AKAP13: variants seen among roughly 807,000 people sequenced by gnomAD.
AKAP13 encodes A-kinase anchoring protein 13.
AKAP13 carries 80 observed loss-of-function variants against 264.5 expected under a neutral mutation model. That is an observed-to-expected ratio of 0.30 (90% CI 0.25 to 0.36). The LOEUF is 0.36. Among genes scored for constraint, AKAP13 ranks in the 10% least tolerant of loss-of-function variants. AKAP13 has a pLI of 1.00. For missense variants in AKAP13, 3,712 were observed against 3,435.2 expected (o/e 1.08, Z -2.01); for synonymous variants, 1,380 against 1,250.2 (o/e 1.10, Z -2.19).
intron 1 of AKAP13, among the ~76,000 whole-genome samples, chr15:85,397,639 T>C (rs1312085587): frequency 2.6e-5 from 4 of 152,194 alleles, no homozygotes; most frequent in African/African-American, 2.4e-5. Flanking sequence ...TCAGGTCTTA[T>C]CTCTGCAAGG....
intron 8 of AKAP13, among the ~76,000 whole-genome samples, chr15:85,611,788 T>C (rs1432672532): frequency 6.6e-6 from 1 of 152,208 alleles, no homozygotes; most frequent in Admixed American, 6.5e-5. Flanking sequence ...GTCTCTGTGC[T>C]CTTTCTTCCC....
intron 31 of AKAP13, among the ~76,000 whole-genome samples, 157 bp from the exon 32 acceptor site, chr15:85,735,403 T>C (rs2088380597): frequency 6.6e-6 from 1 of 152,336 alleles, no homozygotes; most frequent in East Asian, 1.9e-4. Flanking sequence ...CGTAAAATTA[T>C]TAATAATCAC....
At chr15:85,710,358 GA>G (rs951165955) in intron 18 of AKAP13, 4 of 432,562 alleles carry the variant, frequency 9.2e-6, no homozygotes, top group Non-Finnish European at 1.7e-5. Context: ...CTGAAGGTGA[GA>G]AAAGCATTCC....
At chr15:85,693,076 G>A (rs1010696527) in intron 16 of AKAP13, 9 of 873,328 alleles carry the variant, frequency 1.0e-5, no homozygotes, top group East Asian at 3.3e-5. Flanking sequence ...CCCAGTTTTC[G>A]TGTGAATTTT....
chr15:85,458,012 C>T (rs921330272), intron 1 of AKAP13, among the ~76,000 whole-genome samples: 19 of 152,012 alleles, frequency 1.2e-4, no homozygotes, highest in Admixed American at 6.6e-4. Context: ...TGGTGGCGCC[C>T]GCCTGTAATC....
At chr15:85,555,576 A>G (rs953403270) in intron 5 of AKAP13, 3 of 922,098 alleles carry the variant, frequency 3.3e-6, no homozygotes, top group Admixed American at 4.7e-5. Context: ...CTGTAACTCA[A>G]CCTGAAGCAT....
At chr15:85,729,619 C>A (rs2087844999) in intron 29 of AKAP13, among the ~76,000 whole-genome samples, 1 of 152,012 alleles carries the variant, frequency 6.6e-6, no homozygotes, top group Non-Finnish European at 1.5e-5. Context: ...ATGAGATCCT[C>A]AAGAGGAAAG....
At chr15:85,425,139 A>T (rs1307565430) in intron 1 of AKAP13, among the ~76,000 whole-genome samples, 2 of 152,190 alleles carry the variant, frequency 1.3e-5, no homozygotes, top group African/African-American at 2.4e-5. Flanking sequence ...TTTTGGAAAA[A>T]TGGTGCTGAT....
intron 33 of AKAP13, among the ~76,000 whole-genome samples, chr15:85,737,210 G>A (rs150684188): frequency 2.6e-4 from 39 of 152,178 alleles, no homozygotes; most frequent in African/African-American, 6.7e-4. Flanking sequence ...ATGAGCCACC[G>A]CGCCCAGCCA....
chr15:85,655,841 G>A (rs1288916658), intron 11 of AKAP13, 54 bp downstream of exon 11: 1 of 1,539,006 alleles, frequency 6.5e-7, no homozygotes, highest in Admixed American at 2.0e-5. Flanking sequence ...CTTTTGAGAA[G>A]CTTCTGATTT....
intron 1 of AKAP13, among the ~76,000 whole-genome samples, chr15:85,464,681 A>G (rs1249760727): frequency 6.6e-6 from 1 of 152,248 alleles, no homozygotes; most frequent in Admixed American, 6.5e-5. Flanking sequence ...TCAAGCTTAT[A>G]TAACTCGGAA....
At chr15:85,513,311 C>T (rs889623240) in intron 2 of AKAP13, among the ~76,000 whole-genome samples, 2 of 152,090 alleles carry the variant, frequency 1.3e-5, no homozygotes, top group East Asian at 3.8e-4. Flanking sequence ...TTCCCACAAC[C>T]CCAGCCCTTA....
intron 1 of AKAP13, among the ~76,000 whole-genome samples, chr15:85,443,782 T>A (rs2073801400): frequency 6.6e-6 from 1 of 151,030 alleles, no homozygotes; most frequent in African/African-American, 2.4e-5. Flanking sequence ...AGTGTGTGTG[T>A]GTGTGTGTGT....
At chr15:85,712,319 G>A (rs111608548) in intron 19 of AKAP13, among the ~76,000 whole-genome samples, 4,494 of 152,236 alleles carry the variant, frequency 0.03, 105 homozygotes, top group Non-Finnish European at 0.037. Flanking sequence ...ATCTTCACAC[G>A]TAGATGACTA....
chr15:85,741,431 A>G lies in AKAP13; in HGVS notation c.7994A>G (p.Gln2665Arg). The G allele has an allele frequency of 6.2e-7, 1 of 1,611,414 alleles. No homozygotes were observed. The highest frequency in any genetic ancestry group is 8.5e-7 in the Non-Finnish European group (1 of 1,178,014). Reference protein sequence around the residue: ...RAAQKQLEREQEQLRREAERL... With the variant: ...RAAQKQLEREREQLRREAERL... ...GCCCAGAAACAGCTTGAGAGGGAAC[A>G]GGAGCAGCTGCGCCGGGAGGCAGAG... The change falls in exon 35 of 37, where the codon CAG (glutamine) becomes CGG (arginine). Residue 2665 changes from glutamine to arginine, a missense_variant. Gln to Arg is a conservative substitution (Grantham distance 43, BLOSUM62 1). This residue lies in a region of AKAP13 where 611 missense variants were observed against 539.3 expected (regional missense o/e 1.13). Coordinates refer to ENST00000394518, the MANE Select transcript of AKAP13 (RefSeq NM_007200.5).
chr15:85,743,389 T>TA (rs1332383576), intron 35 of AKAP13, 103 bp from the exon 36 acceptor site: 1 of 1,284,924 alleles, frequency 7.8e-7, no homozygotes, highest in Admixed American at 2.1e-5. Context: ...GGTGGGTAAG[T>TA]ACCCAGCCAG....
At chr15:85,487,320 C>T (rs951114285) in intron 2 of AKAP13, among the ~76,000 whole-genome samples, 6 of 152,208 alleles carry the variant, frequency 3.9e-5, no homozygotes, top group Non-Finnish European at 5.9e-5. Context: ...TGAGCGCAAA[C>T]ATCCTTGTCT....
chr15:85,388,761 A>C (rs946809427), intron 1 of AKAP13, among the ~76,000 whole-genome samples: 1 of 151,624 alleles, frequency 6.6e-6, no homozygotes, highest in South Asian at 2.1e-4. Context: ...TATTTCTTCC[A>C]TTTGTTTCCC....
At chr15:85,625,925 A>AG (rs1461216717) in intron 8 of AKAP13, among the ~76,000 whole-genome samples, 6 of 152,314 alleles carry the variant, frequency 3.9e-5, no homozygotes, top group African/African-American at 1.2e-4. Flanking sequence ...GGGCAGAAGG[A>AG]GGGGGGAGAT....
Sources: gnomAD v4.1 joint callset for allele counts (sites outside exome capture counted in the v4.1 genomes callset) on GRCh38, gnomAD v4.1.1 for gene constraint, gnomAD v4.1.1 regional missense constraint, MANE v1.5 for transcripts, NCBI Gene and HGNC (gene_info 2026-07-23, HGNC 2026-07-21) for gene names.